Variants in ATPSCKMT observed in about 807,000 individuals in gnomAD.
ATPSCKMT encodes ATP synthase c subunit lysine N-methyltransferase.
Under a neutral mutation model 24.3 loss-of-function variants are expected in ATPSCKMT, and 24 were observed. The observed-to-expected ratio is 0.99, with a 90% CI of 0.71 to 1.39. The LOEUF is 1.39. Among genes scored for constraint, ATPSCKMT ranks in the 40% most tolerant of loss-of-function variants. The probability of loss-of-function intolerance (pLI) is 0.00; values close to 1 mark genes in which losing one functional copy is unlikely to be tolerated. For synonymous variants in ATPSCKMT, 95 were observed against 110.5 expected (o/e 0.86, Z 0.88); for missense variants, 311 against 298.4 (o/e 1.04, Z -0.31).
At chr5:10,245,177 T>C (rs905579256) in intron 1 of ATPSCKMT, among the ~76,000 whole-genome samples, 1 of 152,168 alleles carries the variant, frequency 6.6e-6, no homozygotes, top group African/African-American at 2.4e-5. Flanking sequence ...TTCCAGCACT[T>C]TGGGAGGCTA....
chr5:10,244,915 A>T (rs1744826111), intron 1 of ATPSCKMT, among the ~76,000 whole-genome samples: 1 of 151,962 alleles, frequency 6.6e-6, no homozygotes, highest in African/African-American at 2.4e-5. Context: ...TTGTCAAAAA[A>T]AAAAAAAAAG....
chr5:10,233,812 C>T (rs1744259775), intron 4 of ATPSCKMT, among the ~76,000 whole-genome samples: 1 of 152,168 alleles, frequency 6.6e-6, no homozygotes, highest in Admixed American at 6.5e-5. Context: ...CTCCAAAAAG[C>T]TAACAATTCC....
At chr5:10,247,413 T>C (rs1187333324) in intron 1 of ATPSCKMT, among the ~76,000 whole-genome samples, 2 of 152,206 alleles carry the variant, frequency 1.3e-5, no homozygotes, top group Non-Finnish European at 2.9e-5. Context: ...CAATCACAGC[T>C]CACCACAGCC....
intron 4 of ATPSCKMT, among the ~76,000 whole-genome samples, chr5:10,232,786 C>A (rs13185189): frequency 0.4 from 61,249 of 152,076 alleles, 13,382 homozygotes; most frequent in Non-Finnish European, 0.49. Flanking sequence ...GGGGCCCCTG[C>A]GCACCAGCCT....
At chr5:10,239,731 C>T (rs1744538884) in intron 1 of ATPSCKMT, among the ~76,000 whole-genome samples, 1 of 152,114 alleles carries the variant, frequency 6.6e-6, no homozygotes. Context: ...AACAAAGCCT[C>T]ATAAACAAAT....
chr5:10,241,383 G>A (rs1487874055), intron 1 of ATPSCKMT, among the ~76,000 whole-genome samples: 4 of 152,104 alleles, frequency 2.6e-5, no homozygotes, highest in African/African-American at 9.7e-5. Flanking sequence ...ATGAACTACG[G>A]CAATCTATTC....
At chr5:10,248,118 CAT>C (rs1372645039) in intron 1 of ATPSCKMT, among the ~76,000 whole-genome samples, 1 of 152,198 alleles carries the variant, frequency 6.6e-6, no homozygotes, top group African/African-American at 2.4e-5. Context: ...TGTCACAACT[CAT>C]AAGGACTGTT....
At position 10,227,295 on chromosome 5, in the gene ATPSCKMT, T is replaced by C; in HGVS notation, c.*146A>G. Reference sequence around the variant, plus strand: ...TTTAAATCTACCTGTTTTTCTTCGTTTGTTTTCTCCAACAGTTAAGGAAAG... The same window carrying C: ...TTTAAATCTACCTGTTTTTCTTCGTCTGTTTTCTCCAACAGTTAAGGAAAG... On this transcript the variant is annotated 3_prime_UTR_variant, in exon 5 of 5. Transcript: ENST00000511437. 1 of 841,706 alleles carries C rather than the reference T, an allele frequency of 1.2e-6. No individual in the cohort carries two copies. Among genetic ancestry groups the C allele is most frequent in the East Asian group, 2.7e-5 (1 of 37,220 alleles). 52.1% of individuals were successfully genotyped at this position (841,706 alleles called of 1,614,324 possible). A position where few individuals can be genotyped will look rare whatever the true frequency, so the allele number is the denominator to read the frequency against.
intron 1 of ATPSCKMT, 48 bp downstream of exon 1, chr5:10,249,810 C>A: frequency 6.5e-7 from 1 of 1,536,788 alleles, no homozygotes; most frequent in Non-Finnish European, 8.7e-7. Context: ...GGCCCGCCCG[C>A]ACCCCTTCTC....
At chr5:10,233,686 C>G (rs969599030) in intron 4 of ATPSCKMT, among the ~76,000 whole-genome samples, 1 of 152,168 alleles carries the variant, frequency 6.6e-6, no homozygotes, top group Non-Finnish European at 1.5e-5. Flanking sequence ...CTGCTGCCCC[C>G]CGCTGGGACA....
At chr5:10,249,546 G>A (rs1363768030) in intron 1 of ATPSCKMT, 1 of 371,956 alleles carries the variant, frequency 2.7e-6, no homozygotes, top group Non-Finnish European at 4.8e-6. Context: ...CGGCAGAACT[G>A]CGATTCCAAT....
At chr5:10,242,702 G>A (rs1306313497) in intron 1 of ATPSCKMT, among the ~76,000 whole-genome samples, 2 of 152,134 alleles carry the variant, frequency 1.3e-5, no homozygotes, top group South Asian at 4.1e-4. Context: ...ACTATCTATT[G>A]CATCTCTAGC....
chr5:10,246,024 A>C (rs1744905272), intron 1 of ATPSCKMT, among the ~76,000 whole-genome samples: 1 of 152,162 alleles, frequency 6.6e-6, no homozygotes, highest in African/African-American at 2.4e-5. Context: ...TCAATTTTTG[A>C]ACATTTTTAT....
At chr5:10,234,707 G>C (rs1294110158) in intron 4 of ATPSCKMT, among the ~76,000 whole-genome samples, 1 of 152,080 alleles carries the variant, frequency 6.6e-6, no homozygotes, top group Non-Finnish European at 1.5e-5. Context: ...CAATACTGTG[G>C]CATTTTCACT....
At chr5:10,240,767 G>T (rs375470642) in intron 1 of ATPSCKMT, among the ~76,000 whole-genome samples, 14 of 152,188 alleles carry the variant, frequency 9.2e-5, no homozygotes, top group Non-Finnish European at 1.8e-4. Context: ...AGGCCACGGC[G>T]GGCAGATCAC....
Position 10,232,085 on chromosome 5 carries a change from C to T in ATPSCKMT, c.495+3126G>A, listed in dbSNP as rs1744164131. Among the ~76,000 whole-genome samples the T allele has an allele frequency of 2.0e-5, 3 of 152,110 alleles. No individual in the cohort carries two copies. In the South Asian group the frequency reaches 6.2e-4, roughly 32 times the overall value. ...GGACATGGTGGCACACGCCTGTATTCCCAGCGACTTGGCAGGCTGAGACAG... is the reference window on the plus strand; with the variant it reads ...GGACATGGTGGCACACGCCTGTATTTCCAGCGACTTGGCAGGCTGAGACAG... On this transcript the variant is annotated intron_variant, in intron 4 of 4. Coordinates refer to ENST00000511437, the MANE Select transcript of ATPSCKMT (RefSeq NM_199133.4).
At chr5:10,240,091 G>A (rs919311515) in intron 1 of ATPSCKMT, among the ~76,000 whole-genome samples, 14 of 151,840 alleles carry the variant, frequency 9.2e-5, no homozygotes, top group South Asian at 4.2e-4. Context: ...AAAATTAGCC[G>A]GGCGTGGTGG....
At chr5:10,245,971 A>G (rs1232181232) in intron 1 of ATPSCKMT, among the ~76,000 whole-genome samples, 2 of 152,128 alleles carry the variant, frequency 1.3e-5, no homozygotes, top group African/African-American at 4.8e-5. Flanking sequence ...TATATAATTT[A>G]ATGTTTCTTT....
At chr5:10,231,831 A>G (rs1459915241) in intron 4 of ATPSCKMT, among the ~76,000 whole-genome samples, 1 of 152,186 alleles carries the variant, frequency 6.6e-6, no homozygotes, top group Non-Finnish European at 1.5e-5. Context: ...CAAATGAATG[A>G]AGGAAAGAAG....
Sources: gnomAD v4.1 joint callset for allele counts (sites outside exome capture counted in the v4.1 genomes callset) on GRCh38, gnomAD v4.1.1 for gene constraint, MANE v1.5 for transcripts, NCBI Gene and HGNC (gene_info 2026-07-23, HGNC 2026-07-21) for gene names.